Variants in CSMD1 observed in about 807,000 individuals in gnomAD.
CSMD1 encodes the protein CUB and sushi domain-containing protein 1.
In CSMD1, 213 loss-of-function variants were observed where a neutral mutation model predicts 417.5. That is an observed-to-expected ratio of 0.51 (90% CI 0.46 to 0.57). The LOEUF is 0.57. Among genes scored for constraint, CSMD1 ranks in the 20% least tolerant of loss-of-function variants. The pLI is 0.00. For synonymous variants in CSMD1, 2,862 were observed against 1,736.8 expected, an observed-to-expected ratio of 1.65 and a Z score of -16.11; for missense variants, 6,923 against 4,529.7, an observed-to-expected ratio of 1.53 and a Z score of -15.17.
chr8:4,024,647 G>A (rs73183913), intron 4 of CSMD1, among the ~76,000 whole-genome samples: 2 of 151,996 alleles, frequency 1.3e-5, no homozygotes, highest in Non-Finnish European at 2.9e-5. Flanking sequence ...TGCATTTATG[G>A]GCCTCAGCAT....
Position 3,451,402 on chromosome 8 carries a change from C to T in CSMD1, c.1561+17310G>A, listed in dbSNP as rs566835957. ...TGAAGTCCTTGCCCATGGCTATGTC[C>T]TGAATGGTATTGCCTAGGTGTTCTT... On this transcript the variant is annotated intron_variant, in intron 12 of 69. Transcript: ENST00000635120. Among the ~76,000 whole-genome samples the T allele has an allele frequency of 5.9e-5, 9 of 152,304 alleles. No individual in the cohort carries two copies. In the East Asian group the frequency reaches 1.2e-3, roughly 20 times the overall value.
At chr8:3,833,563 T>C (rs1211861206) in intron 5 of CSMD1, among the ~76,000 whole-genome samples, 1 of 152,166 alleles carries the variant, frequency 6.6e-6, no homozygotes, top group Non-Finnish European at 1.5e-5. Flanking sequence ...TAAGTGGTAA[T>C]CAACTTTTTT....
intron 2 of CSMD1, among the ~76,000 whole-genome samples, chr8:4,512,861 C>T (rs776206834): frequency 3.3e-5 from 5 of 150,612 alleles, no homozygotes; most frequent in East Asian, 1.9e-4. Flanking sequence ...TCAGCTCTTT[C>T]GAACTTTAAA....
At chr8:3,601,951 G>A (rs1427582972) in intron 8 of CSMD1, among the ~76,000 whole-genome samples, 2 of 152,136 alleles carry the variant, frequency 1.3e-5, no homozygotes, top group Non-Finnish European at 2.9e-5. Context: ...CACGTTCCCA[G>A]GAACAGGAAG....
chr8:4,284,432 G>T (rs148010730), intron 3 of CSMD1, among the ~76,000 whole-genome samples: 1 of 147,630 alleles, frequency 6.8e-6, no homozygotes, highest in Non-Finnish European at 1.5e-5. Context: ...ACTGCGGGAG[G>T]GTACCTCCAC....
intron 3 of CSMD1, among the ~76,000 whole-genome samples, chr8:4,195,557 C>T (rs968371): frequency 6.6e-6 from 1 of 151,922 alleles, no homozygotes; most frequent in Admixed American, 6.6e-5. Context: ...GTGCGTCTGA[C>T]CAATAGTATA....
At chr8:3,969,157 G>C (rs1276404324) in intron 5 of CSMD1, among the ~76,000 whole-genome samples, 2 of 152,152 alleles carry the variant, frequency 1.3e-5, no homozygotes, top group Non-Finnish European at 2.9e-5. Flanking sequence ...GGCTGAGGGA[G>C]GAGAATTGCT....
chr8:4,421,429 G>A (rs563102587), intron 2 of CSMD1, among the ~76,000 whole-genome samples: 3 of 152,022 alleles, frequency 2.0e-5, no homozygotes, highest in African/African-American at 7.2e-5. Flanking sequence ...AACCATATTC[G>A]AGGCCATAAA....
At chr8:4,420,124 T>C (rs1201297761) in intron 2 of CSMD1, 59 bp from the exon 3 acceptor site, 14 of 1,191,108 alleles carry the variant, frequency 1.2e-5, no homozygotes, top group Non-Finnish European at 1.7e-5. Flanking sequence ...CAAAAAAAGC[T>C]TATTTGATGA....
At chr8:3,736,706 C>G (rs1326038292) in intron 6 of CSMD1, among the ~76,000 whole-genome samples, 3 of 152,318 alleles carry the variant, frequency 2.0e-5, no homozygotes, top group East Asian at 1.9e-4. Flanking sequence ...GGGATAAGGA[C>G]ACACCTGCTT....
At chr8:3,988,845 T>G (rs1333981270) in intron 5 of CSMD1, among the ~76,000 whole-genome samples, 5 of 152,214 alleles carry the variant, frequency 3.3e-5, no homozygotes, top group African/African-American at 9.6e-5. Context: ...ATTTTTTCCT[T>G]TAAAGTGATA....
chr8:4,300,229 T>G (rs1411082298), intron 3 of CSMD1, among the ~76,000 whole-genome samples: 1 of 152,248 alleles, frequency 6.6e-6, no homozygotes, highest in South Asian at 2.1e-4. Context: ...TTTGATAATG[T>G]ATAAAGTCGT....
In CSMD1 at chr8:3,850,710, A is replaced by T. The variant is rs2129099737; in HGVS notation, c.819-96668T>A. Among the ~76,000 whole-genome samples, 3 of 152,218 alleles carry T rather than the reference A, an allele frequency of 2.0e-5. No homozygotes were observed. The South Asian group carries it at 6.2e-4, about 32-fold the overall frequency. On this transcript the variant is annotated intron_variant, in intron 5 of 69. Transcript: ENST00000635120. ...ACTCTGTCTCAAAAAATAAATATAAATAAACATAAAAAAATAAAACAATAA... is the reference window on the plus strand; with the variant it reads ...ACTCTGTCTCAAAAAATAAATATAATTAAACATAAAAAAATAAAACAATAA...
At chr8:3,122,399 A>C (rs767649543) in intron 41 of CSMD1, among the ~76,000 whole-genome samples, 4 of 152,228 alleles carry the variant, frequency 2.6e-5, no homozygotes, top group Non-Finnish European at 4.4e-5. Context: ...AGATCAATAA[A>C]CCTTATAAGC....
intron 12 of CSMD1, among the ~76,000 whole-genome samples, chr8:3,460,241 G>T (rs1268886489): frequency 6.6e-6 from 1 of 152,136 alleles, no homozygotes; most frequent in Non-Finnish European, 1.5e-5. Flanking sequence ...TACATGGTGA[G>T]TCCATAGAAG....
intron 2 of CSMD1, among the ~76,000 whole-genome samples, chr8:4,476,903 A>C (rs1451240697): frequency 2.6e-5 from 4 of 152,200 alleles, no homozygotes; most frequent in Non-Finnish European, 5.9e-5. Context: ...AATCCCAGGG[A>C]ATCAAGGGTG....
At chr8:4,299,052 T>G (rs1014503777) in intron 3 of CSMD1, among the ~76,000 whole-genome samples, 1 of 152,142 alleles carries the variant, frequency 6.6e-6, no homozygotes, top group African/African-American at 2.4e-5. Flanking sequence ...GAAATAAATA[T>G]TCTCCTGTTA....
At chr8:3,714,377 G>T (rs1801703440) in intron 6 of CSMD1, among the ~76,000 whole-genome samples, 1 of 150,356 alleles carries the variant, frequency 6.7e-6, no homozygotes, top group Admixed American at 6.7e-5. Flanking sequence ...ACAGCAAATG[G>T]AATTTCCAAT....
intron 1 of CSMD1, among the ~76,000 whole-genome samples, chr8:4,820,567 T>G (rs886362727): frequency 5.9e-5 from 9 of 152,068 alleles, no homozygotes; most frequent in Non-Finnish European, 1.3e-4. Context: ...AGAAAAAAAG[T>G]GAGCAAAGAA....
Sources: gnomAD v4.1 joint callset for allele counts (sites outside exome capture counted in the v4.1 genomes callset) on GRCh38, gnomAD v4.1.1 for gene constraint, MANE v1.5 for transcripts, NCBI Gene and HGNC (gene_info 2026-07-23, HGNC 2026-07-21) for gene names.